The following MICU3 variants were observed in gnomAD, a reference collection of about 807,000 sequenced individuals.
The protein encoded by MICU3 is calcium uptake protein 3, mitochondrial.
A neutral mutation model predicts 66.5 loss-of-function variants in MICU3; 62 were observed. That is an observed-to-expected ratio of 0.93 (90% CI 0.76 to 1.15). The LOEUF is 1.15. Ranked by LOEUF, MICU3 falls within the 50% of genes most tolerant of loss-of-function variation. The probability of loss-of-function intolerance (pLI) is 0.00; values close to 1 mark genes in which losing one functional copy is unlikely to be tolerated. For missense variants in MICU3, 779 were observed against 664.4 expected (o/e 1.17, Z -1.90); for synonymous variants, 308 against 240.7 (o/e 1.28, Z -2.59).
chr8:17,124,756 G>A (rs1434937660), downstream of MICU3, among the ~76,000 whole-genome samples: 1 of 151,716 alleles, frequency 6.6e-6, no homozygotes, highest in African/African-American at 2.4e-5. Context: ...CTCGTCCAGG[G>A]ATAGAAATAG....
At chr8:17,116,320 G>T in intron 12 of MICU3, 123 bp from the exon 13 acceptor site, 1 of 569,172 alleles carries the variant, frequency 1.8e-6, no homozygotes, top group Non-Finnish European at 2.8e-6. Context: ...TTAATGGAAG[G>T]CCATGTTGCA....
chr8:17,105,621 T>C (rs1801673866), intron 11 of MICU3, 37 bp downstream of exon 11: 12 of 1,306,492 alleles, frequency 9.2e-6, no homozygotes, highest in Non-Finnish European at 1.2e-5. Context: ...TATGTTACTG[T>C]TTTGCAATAC....
chr8:17,047,979 A>G (rs1815375767), intron 1 of MICU3, among the ~76,000 whole-genome samples: 2 of 152,212 alleles, frequency 1.3e-5, no homozygotes, highest in South Asian at 2.1e-4. Flanking sequence ...TGGATTTCAA[A>G]TAGTGAACAA....
intron 1 of MICU3, among the ~76,000 whole-genome samples, 181 bp downstream of exon 1, chr8:17,027,841 A>G (rs1026275442): frequency 2.0e-4 from 30 of 152,152 alleles, no homozygotes; most frequent in African/African-American, 7.2e-4. Context: ...TATTGGGAAG[A>G]CCAGTGATGC....
chr8:17,057,620 A>C lies in MICU3; in HGVS notation c.382-6464A>C, dbSNP rs537041260. On this transcript the variant is annotated intron_variant, in intron 1 of 14. Transcript: ENST00000318063. ...TCTTATATAATTGCTTTATTCTATA[A>C]CTCCTCTCAGTCTCTTCCCTACCAA... Among the ~76,000 whole-genome samples, 53 of 151,774 alleles carry C rather than the reference A, an allele frequency of 3.5e-4. No homozygotes were observed. The Middle Eastern group carries it at 0.014, about 39-fold the overall frequency.
At chr8:17,131,747 A>T in the MICU3 span, 1 of 152,272 alleles carries the variant, frequency 6.6e-6, no homozygotes, top group Non-Finnish European at 1.5e-5. Context: ...ATCATACCAG[A>T]ACCAGGAAAG....
At chr8:17,044,500 G>A (rs1050639450) in intron 1 of MICU3, among the ~76,000 whole-genome samples, 1 of 152,134 alleles carries the variant, frequency 6.6e-6, no homozygotes, top group Non-Finnish European at 1.5e-5. Context: ...GAAAAACAAA[G>A]CACTGAAGAC....
chr8:17,115,333 T>G (rs1802583930), intron 12 of MICU3, among the ~76,000 whole-genome samples: 1 of 152,230 alleles, frequency 6.6e-6, no homozygotes, highest in African/African-American at 2.4e-5. Flanking sequence ...ATATGGCATA[T>G]TCTCAACCCA....
At chr8:17,099,319 A>G (rs966515191) in intron 9 of MICU3, among the ~76,000 whole-genome samples, 1 of 151,778 alleles carries the variant, frequency 6.6e-6, no homozygotes, top group Admixed American at 6.6e-5. Context: ...TTTGTTTTTC[A>G]TTATCTCTTT....
chr8:17,060,572 A>G (rs924807737), intron 1 of MICU3, among the ~76,000 whole-genome samples: 1 of 152,168 alleles, frequency 6.6e-6, no homozygotes, highest in African/African-American at 2.4e-5. Context: ...TCGGCCTCCC[A>G]TAGTGCTGGG....
chr8:17,100,601 ATTTC>A lies in MICU3; in HGVS notation c.984+2052_984+2055del, dbSNP rs1801172279. On this transcript the variant is annotated intron_variant, in intron 9 of 14. Transcript: ENST00000318063. Reference sequence around the variant, plus strand: ...GCTTGGAAATCTATTTGTTATATGTATTTCTTTATTATATATTTAATATGTAATT... The same window carrying A: ...GCTTGGAAATCTATTTGTTATATGTATTTATTATATATTTAATATGTAATT... 1.3e-5 allele frequency among the ~76,000 whole-genome samples: 2 copies of A among 151,642 alleles called. 1 individual carries two copies. Among genetic ancestry groups the A allele is most frequent in the African/African-American group, 4.8e-5 (2 of 41,344 alleles).
intron 5 of MICU3, among the ~76,000 whole-genome samples, chr8:17,083,314 C>T (rs565129478): frequency 1.1e-4 from 17 of 152,100 alleles, no homozygotes; most frequent in African/African-American, 3.9e-4. Flanking sequence ...GTGATGTTAT[C>T]CCCAGGAGCA....
intron 2 of MICU3, 117 bp downstream of exon 2, chr8:17,064,354 A>T (rs1563317689): frequency 1.4e-6 from 1 of 696,882 alleles, no homozygotes; most frequent in Non-Finnish European, 2.3e-6. Flanking sequence ...ATTTCACATG[A>T]TATTGTGCTA....
intron 1 of MICU3, among the ~76,000 whole-genome samples, chr8:17,030,260 T>A (rs1049830885): frequency 2.0e-5 from 3 of 152,240 alleles, no homozygotes; most frequent in Non-Finnish European, 1.5e-5. Flanking sequence ...TATAAGCTCT[T>A]GCTTTCATTT....
the MICU3 span, among the ~76,000 whole-genome samples, chr8:17,133,874 C>G: frequency 6.6e-6 from 1 of 152,166 alleles, no homozygotes; most frequent in Admixed American, 6.5e-5. Context: ...ATAAACTATT[C>G]TCTTCATTTG....
Position 17,104,469 on chromosome 8 carries a change from C to T in MICU3, c.1063C>T (p.Leu355Phe), listed in dbSNP as rs778551274. 26 of 1,455,270 alleles carry T rather than the reference C, an allele frequency of 1.8e-5. No individual in the cohort carries two copies. In the East Asian group the frequency reaches 6.2e-4, roughly 35 times the overall value. The allele number at this position is 1,455,270 out of a possible 1,614,324, so 90.1% of individuals were successfully genotyped here. Reference protein sequence around the residue: ...HFFGKKGKAELNFEDFYRFMD... With the variant: ...HFFGKKGKAEFNFEDFYRFMD... ...TTTTGGAAAGAAAGGAAAAGCTGAG[C>T]TCAACTTTGAAGATTTTTATAGGTG... Residue 355 changes from leucine (L) to phenylalanine (F), a missense_variant, in exon 10 of 15, where the codon CTC becomes TTC. Transcript: ENST00000318063.
downstream of MICU3, among the ~76,000 whole-genome samples, chr8:17,126,122 G>A (rs914622990): frequency 2.0e-5 from 3 of 151,676 alleles, no homozygotes; most frequent in African/African-American, 7.3e-5. Flanking sequence ...AGGGGGATGA[G>A]TTTCAGGCAG....
At chr8:17,058,006 C>A (rs1240678742) in intron 1 of MICU3, among the ~76,000 whole-genome samples, 1 of 152,130 alleles carries the variant, frequency 6.6e-6, no homozygotes, top group Non-Finnish European at 1.5e-5. Flanking sequence ...CGCCACCACA[C>A]CTGGCTAATT....
intron 1 of MICU3, among the ~76,000 whole-genome samples, chr8:17,042,294 A>G (rs555092124): frequency 1.5e-4 from 23 of 152,354 alleles, no homozygotes; most frequent in African/African-American, 4.8e-4. Flanking sequence ...TTTTAACTGG[A>G]TAATATTAGA....
Sources: gnomAD v4.1 joint callset for allele counts (sites outside exome capture counted in the v4.1 genomes callset) on GRCh38, gnomAD v4.1.1 for gene constraint, MANE v1.5 for transcripts, NCBI Gene and HGNC (gene_info 2026-07-23, HGNC 2026-07-21) for gene names.